PIK3CB: variants seen among roughly 807,000 people sequenced by gnomAD.
PIK3CB encodes the protein phosphatidylinositol 4,5-bisphosphate 3-kinase catalytic subunit beta isoform.
Under a neutral mutation model 136.8 loss-of-function variants are expected in PIK3CB, and 39 were observed. That is an observed-to-expected ratio of 0.29 (90% CI 0.22 to 0.37). The LOEUF (loss-of-function observed/expected upper bound fraction) is 0.37, where lower values mean the gene tolerates loss of function less well. Ranked by LOEUF, PIK3CB falls within the 10% of genes least tolerant of loss-of-function variation. The pLI is 1.00. For synonymous variants in PIK3CB, 428 were observed against 436.6 expected (o/e 0.98, Z 0.25); for missense variants, 868 against 1,275.4 (o/e 0.68, Z 4.87).
At chr3:138,732,936 C>A (rs1183108304) in intron 8 of PIK3CB, among the ~76,000 whole-genome samples, 2 of 151,604 alleles carry the variant, frequency 1.3e-5, no homozygotes, top group Non-Finnish European at 2.9e-5. Context: ...CTAGCAAATT[C>A]CTGTATAAAA....
intron 1 of PIK3CB, chr3:138,825,232 G>C (rs1933731728): frequency 2.9e-6 from 1 of 349,914 alleles, no homozygotes; most frequent in African/African-American, 2.1e-5. Context: ...CAAGAAGACA[G>C]AGACTTTATC....
intron 2 of PIK3CB, among the ~76,000 whole-genome samples, chr3:138,767,757 G>C (rs2045752443): frequency 6.6e-6 from 1 of 152,162 alleles, no homozygotes; most frequent in Non-Finnish European, 1.5e-5. Context: ...GCTGGACCAG[G>C]TGTACCACAA....
chr3:138,670,346 G>A (rs2043508630), intron 19 of PIK3CB, among the ~76,000 whole-genome samples: 1 of 152,176 alleles, frequency 6.6e-6, no homozygotes, highest in South Asian at 2.1e-4. Context: ...AGACCACTGT[G>A]TAGCTTCTGT....
chr3:138,747,091 T>TGGC (rs2045374860), intron 4 of PIK3CB, among the ~76,000 whole-genome samples: 1 of 79,766 alleles, frequency 1.3e-5, no homozygotes, highest in Non-Finnish European at 2.5e-5. Context: ...TATATATATA[T>TGGC]ATATATATAT....
At chr3:138,815,162 A>ATATAT (rs374349884) in intron 1 of PIK3CB, among the ~76,000 whole-genome samples, 55 of 62,446 alleles carry the variant, frequency 8.8e-4, no homozygotes, top group Non-Finnish European at 1.5e-3. Context: ...AAAAAAAAAA[A>ATATAT]ATATATATAT....
chr3:138,834,248 T>C (rs1316763820), intron 1 of PIK3CB, among the ~76,000 whole-genome samples: 1 of 152,230 alleles, frequency 6.6e-6, no homozygotes, highest in Non-Finnish European at 1.5e-5. Context: ...TTCGAAAACA[T>C]GTCCATAACC....
In PIK3CB at chr3:138,767,468, T is replaced by G. The variant is rs182583109; in HGVS notation, c.-16-8109A>C. 1.1e-4 allele frequency among the ~76,000 whole-genome samples: 16 copies of G among 152,220 alleles called. No homozygotes were observed. In the East Asian group the frequency reaches 3.1e-3, roughly 29 times the overall value. ...TCCTACTGTTACAGGATCCTTGGGG[T>G]GTTGTTTTTCTGGCCAGAAACATCT... On this transcript the variant is annotated intron_variant, in intron 2 of 23. Transcript: ENST00000674063.
intron 1 of PIK3CB, among the ~76,000 whole-genome samples, chr3:138,823,842 C>G (rs983793789): frequency 6.6e-6 from 1 of 152,180 alleles, no homozygotes; most frequent in African/African-American, 2.4e-5. Flanking sequence ...AGAGCTCATT[C>G]ATTTAAGCAA....
chr3:138,791,981 T>C (rs190998346), intron 2 of PIK3CB, among the ~76,000 whole-genome samples: 9 of 152,328 alleles, frequency 5.9e-5, no homozygotes, highest in Non-Finnish European at 7.3e-5. Flanking sequence ...CATATCTGTG[T>C]GTTCTATATC....
At chr3:138,680,820 TG>T (rs1397724499) in intron 19 of PIK3CB, among the ~76,000 whole-genome samples, 2 of 152,026 alleles carry the variant, frequency 1.3e-5, no homozygotes, top group African/African-American at 2.4e-5. Flanking sequence ...CCCGAGTAGC[TG>T]GGATTACAGG....
At chr3:138,706,263 C>T (rs541342828) in intron 11 of PIK3CB, among the ~76,000 whole-genome samples, 2 of 152,156 alleles carry the variant, frequency 1.3e-5, no homozygotes, top group South Asian at 2.1e-4. Flanking sequence ...CCATGCCAAA[C>T]CTAAAGATAA....
chr3:138,793,018 G>A (rs2046070191), intron 2 of PIK3CB, among the ~76,000 whole-genome samples: 1 of 152,098 alleles, frequency 6.6e-6, no homozygotes, highest in Non-Finnish European at 1.5e-5. Flanking sequence ...TAGTTAATTA[G>A]TGGTGAGGTT....
At chr3:138,743,910 A>G (rs1405158552) in intron 4 of PIK3CB, among the ~76,000 whole-genome samples, 1 of 152,188 alleles carries the variant, frequency 6.6e-6, no homozygotes, top group Non-Finnish European at 1.5e-5. Context: ...TAGCCTACTT[A>G]TGACCAGAAG....
intron 10 of PIK3CB, among the ~76,000 whole-genome samples, chr3:138,708,450 AG>A (rs1467971133): frequency 1.3e-5 from 2 of 151,574 alleles, no homozygotes; most frequent in Non-Finnish European, 2.9e-5. Flanking sequence ...TGGTAGAGAC[AG>A]GGTTTCACCA....
chr3:138,767,809 G>A (rs554582302), intron 2 of PIK3CB, among the ~76,000 whole-genome samples: 1 of 152,342 alleles, frequency 6.6e-6, no homozygotes, highest in South Asian at 2.1e-4. Flanking sequence ...GTGGCACCCG[G>A]AAGCTTGGAG....
chr3:138,665,442 T>C (rs2043387825), intron 19 of PIK3CB, among the ~76,000 whole-genome samples: 1 of 152,222 alleles, frequency 6.6e-6, no homozygotes, highest in South Asian at 2.1e-4. Context: ...TTTTGTCTAA[T>C]TATTCTGGTG....
At chr3:138,683,921 G>T in intron 17 of PIK3CB, 134 bp from the exon 18 acceptor site, 1 of 603,848 alleles carries the variant, frequency 1.7e-6, no homozygotes, top group South Asian at 2.1e-5. Flanking sequence ...AGACTTAGAA[G>T]AGTCCCACTT....
At chr3:138,684,891 C>CTGT in intron 16 of PIK3CB, 88 bp from the exon 17 acceptor site, 1 of 848,816 alleles carries the variant, frequency 1.2e-6, no homozygotes. Context: ...ACACCTGCTC[C>CTGT]CAACATATAC....
intron 21 of PIK3CB, among the ~76,000 whole-genome samples, chr3:138,662,106 T>C (rs2108408767): frequency 6.6e-6 from 1 of 151,402 alleles, no homozygotes; most frequent in Admixed American, 6.6e-5. Context: ...TTTTTAGCAT[T>C]GGTAATCTTT....
Sources: allele counts gnomAD v4.1 joint callset (sites outside exome capture counted in the v4.1 genomes callset), GRCh38; gene constraint gnomAD v4.1.1; transcripts MANE v1.5; gene names NCBI Gene and HGNC (gene_info 2026-07-23, HGNC 2026-07-21).